The following GRM7 variants were observed in gnomAD, a reference collection of about 807,000 sequenced individuals.
The protein encoded by GRM7 is glutamate metabotropic receptor 7.
A neutral mutation model predicts 84.5 loss-of-function variants in GRM7; 35 were observed. The observed-to-expected ratio is 0.41, with a 90% CI of 0.32 to 0.55. GRM7 has a LOEUF of 0.55. GRM7 is among the 20% of genes least tolerant of loss of function. The pLI, the probability that GRM7 is intolerant of heterozygous loss-of-function variation, is 0.19. For missense variants in GRM7, 1,003 were observed against 1,194.6 expected (o/e 0.84, Z 2.36); for synonymous variants, 487 against 455.1 (o/e 1.07, Z -0.89).
chr3:6,949,604 A>C (rs7641555), intron 1 of GRM7, among the ~76,000 whole-genome samples: 33,286 of 148,972 alleles, frequency 0.22, 3,930 homozygotes, highest in Non-Finnish European at 0.25. Context: ...TGTTGGCCTG[A>C]CTTGCTAGAT....
At chr3:7,416,729 A>G (rs75063311) in intron 5 of GRM7, among the ~76,000 whole-genome samples, 86 of 152,274 alleles carry the variant, frequency 5.6e-4, no homozygotes, top group African/African-American at 2.0e-3. Context: ...CTATATAACA[A>G]TAGTTCTGAG....
At chr3:7,162,025 T>C (rs1324121957) in intron 2 of GRM7, among the ~76,000 whole-genome samples, 7 of 152,190 alleles carry the variant, frequency 4.6e-5, no homozygotes, top group Non-Finnish European at 7.3e-5. Context: ...AGGAGATGTA[T>C]ATATTTAGGT....
At chr3:7,169,484 A>G (rs1473277612) in intron 2 of GRM7, among the ~76,000 whole-genome samples, 1 of 152,204 alleles carries the variant, frequency 6.6e-6, no homozygotes, top group Non-Finnish European at 1.5e-5. Flanking sequence ...CTAAAAACAC[A>G]GAAGGGATGT....
chr3:7,671,032 AC>A (rs1179783093), intron 8 of GRM7, among the ~76,000 whole-genome samples: 1 of 152,154 alleles, frequency 6.6e-6, no homozygotes, highest in Non-Finnish European at 1.5e-5. Context: ...ATGGTCAATA[AC>A]CTTTTAGATA....
At chr3:7,391,559 T>G (rs1255427066) in intron 4 of GRM7, among the ~76,000 whole-genome samples, 2 of 151,208 alleles carry the variant, frequency 1.3e-5, no homozygotes, top group African/African-American at 4.9e-5. Flanking sequence ...GGGCCTGTCG[T>G]GGGGCGGGGG....
chr3:7,679,610 G>A (rs1180021143), intron 8 of GRM7, among the ~76,000 whole-genome samples: 2 of 152,152 alleles, frequency 1.3e-5, no homozygotes, highest in Admixed American at 6.5e-5. Flanking sequence ...TTAAGATAAA[G>A]ACTTCTCAAA....
At position 6,863,957 on chromosome 3, in the gene GRM7, G is replaced by T. The variant is rs772315878; in HGVS notation, c.519+2050G>T. Among the ~76,000 whole-genome samples, 1 of 152,122 alleles carries T rather than the reference G, an allele frequency of 6.6e-6. No homozygotes were observed. Among genetic ancestry groups the T allele is most frequent in the Non-Finnish European group, 1.5e-5 (1 of 68,038 alleles). Reference sequence around the variant, plus strand: ...TGTTTGCTGAAAAATATTCCAGGGGGAGCTGATTCCTTCTCTGGTGTGTGA... The same window carrying T: ...TGTTTGCTGAAAAATATTCCAGGGGTAGCTGATTCCTTCTCTGGTGTGTGA... On this transcript the variant is annotated intron_variant, in intron 1 of 9. Coordinates refer to ENST00000357716, the MANE Select transcript of GRM7 (RefSeq NM_000844.4). The surrounding 1 kb of genome is among the most constrained non-coding windows in gnomAD (Gnocchi z 4.8).
At chr3:7,619,243 A>C (rs1333491033) in intron 8 of GRM7, among the ~76,000 whole-genome samples, 1 of 152,166 alleles carries the variant, frequency 6.6e-6, no homozygotes, top group Admixed American at 6.5e-5. Context: ...CCTGCCAACA[A>C]TTTAGGTTAT....
chr3:7,642,396 G>T (rs75978123), intron 8 of GRM7, among the ~76,000 whole-genome samples: 22 of 152,164 alleles, frequency 1.4e-4, no homozygotes, highest in Non-Finnish European at 2.9e-4. Context: ...TCTCATAGAC[G>T]AAATATTTCA....
Position 7,499,787 on chromosome 3 carries a change from T to C in GRM7, c.1515+38065T>C, listed in dbSNP as rs1699824945. Among the ~76,000 whole-genome samples, 5 of 151,876 alleles carry C rather than the reference T, an allele frequency of 3.3e-5. No individual in the cohort carries two copies. In the South Asian group the frequency reaches 1.0e-3, roughly 32 times the overall value. Reference sequence around the variant, plus strand: ...TGGCCTAGACACCATTCTTTTTTTTTTTTTTGAGATGGAGTCTTGCTCTGT... The same window carrying C: ...TGGCCTAGACACCATTCTTTTTTTTCTTTTTGAGATGGAGTCTTGCTCTGT... On this transcript the variant is annotated intron_variant, in intron 7 of 9. Transcript: ENST00000357716.
intron 4 of GRM7, among the ~76,000 whole-genome samples, chr3:7,334,912 A>G (rs1701344782): frequency 1.3e-5 from 2 of 152,148 alleles, no homozygotes; most frequent in Non-Finnish European, 2.9e-5. Context: ...AAATTTATCA[A>G]ACGATTACTA....
chr3:6,970,888 A>G (rs1227063451), intron 1 of GRM7, among the ~76,000 whole-genome samples: 2 of 152,148 alleles, frequency 1.3e-5, no homozygotes, highest in Non-Finnish European at 2.9e-5. Context: ...AGGCTGAGGC[A>G]GGAGAATGGC....
chr3:7,018,837 CTGTAATCT>C (rs1575136277), intron 1 of GRM7, among the ~76,000 whole-genome samples: 1 of 152,234 alleles, frequency 6.6e-6, no homozygotes, highest in East Asian at 1.9e-4. Flanking sequence ...TGGCTCACGC[CTGTAATCT>C]TAGTACTTTG....
chr3:7,641,593 AGGGGAGAAT>A (rs1698364765), intron 8 of GRM7, among the ~76,000 whole-genome samples: 1 of 152,256 alleles, frequency 6.6e-6, no homozygotes, highest in South Asian at 2.1e-4. Context: ...TGTCCAGGGG[AGGGGAGAAT>A]GGGGAGAATC....
intron 1 of GRM7, among the ~76,000 whole-genome samples, chr3:6,986,281 C>T (rs1019997852): frequency 6.6e-6 from 1 of 152,146 alleles, no homozygotes; most frequent in African/African-American, 2.4e-5. Flanking sequence ...GACATGTTTA[C>T]CACCTTTATT....
chr3:7,590,268 C>A (rs918857462), intron 8 of GRM7, among the ~76,000 whole-genome samples: 1 of 152,104 alleles, frequency 6.6e-6, no homozygotes, highest in African/African-American at 2.4e-5. Context: ...ATTACAATTA[C>A]GACAGTATTC....
At chr3:7,186,135 T>A (rs1468789666) in intron 2 of GRM7, among the ~76,000 whole-genome samples, 1 of 152,244 alleles carries the variant, frequency 6.6e-6, no homozygotes, top group Non-Finnish European at 1.5e-5. Context: ...GTGAGCTGAC[T>A]GTGTAAACAC....
intron 1 of GRM7, among the ~76,000 whole-genome samples, chr3:6,882,845 G>T (rs922590469): frequency 1.3e-5 from 2 of 151,990 alleles, no homozygotes; most frequent in Non-Finnish European, 2.9e-5. Flanking sequence ...CAAAATTTAG[G>T]TTTACCTCTC....
chr3:7,244,524 G>A (rs746406244), intron 2 of GRM7, among the ~76,000 whole-genome samples: 1 of 152,014 alleles, frequency 6.6e-6, no homozygotes, highest in Non-Finnish European at 1.5e-5. Flanking sequence ...ACAGGGCTTA[G>A]AGCTCAAATC....
Sources: allele counts gnomAD v4.1 joint callset (sites outside exome capture counted in the v4.1 genomes callset), GRCh38; gene constraint gnomAD v4.1.1; non-coding constraint Gnocchi (gnomAD v3.1); transcripts MANE v1.5; gene names NCBI Gene and HGNC (gene_info 2026-07-23, HGNC 2026-07-21).